Variants in HECW2 observed in about 807,000 individuals in gnomAD.
HECW2 encodes the protein E3 ubiquitin-protein ligase HECW2.
In HECW2, 61 loss-of-function variants were observed where a neutral mutation model predicts 175.2. The observed-to-expected ratio is 0.35, with a 90% CI of 0.28 to 0.43. HECW2 has a LOEUF of 0.43. Ranked by LOEUF, HECW2 falls within the 20% of genes least tolerant of loss-of-function variation. The pLI, the probability that HECW2 is intolerant of heterozygous loss-of-function variation, is 1.00. For synonymous variants in HECW2, 671 were observed against 731.0 expected (o/e 0.92, Z 1.32); for missense variants, 1,524 against 2,000.5 (o/e 0.76, Z 4.54).
intron 2 of HECW2, among the ~76,000 whole-genome samples, chr2:196,353,100 G>A (rs959237618): frequency 1.3e-4 from 20 of 151,520 alleles, no homozygotes; most frequent in Non-Finnish European, 2.2e-4. Flanking sequence ...TACTTTCCCC[G>A]CCTCGCTCCT....
At chr2:196,419,667 G>A (rs1695355411) in intron 2 of HECW2, among the ~76,000 whole-genome samples, 1 of 152,174 alleles carries the variant, frequency 6.6e-6, no homozygotes, top group South Asian at 2.1e-4. Flanking sequence ...CCTAGTGGCA[G>A]CCACACAGTA....
intron 1 of HECW2, among the ~76,000 whole-genome samples, chr2:196,530,461 C>A (rs1688803764): frequency 6.6e-6 from 1 of 152,208 alleles, no homozygotes; most frequent in Non-Finnish European, 1.5e-5. Flanking sequence ...TGGATTACAG[C>A]AATAGCCTAA....
At chr2:196,305,970 T>C (rs1691242620) in intron 13 of HECW2, among the ~76,000 whole-genome samples, 2 of 152,184 alleles carry the variant, frequency 1.3e-5, no homozygotes, top group African/African-American at 2.4e-5. Context: ...TAAATCCTCC[T>C]GTTATGGGTC....
At chr2:196,281,213 T>G (rs1690170336) in intron 14 of HECW2, among the ~76,000 whole-genome samples, 1 of 150,018 alleles carries the variant, frequency 6.7e-6, no homozygotes, top group Non-Finnish European at 1.5e-5. Flanking sequence ...TTAGTCACTC[T>G]GTTATCCCCA....
At chr2:196,355,102 T>C (rs759984336) in intron 2 of HECW2, among the ~76,000 whole-genome samples, 121 of 152,370 alleles carry the variant, frequency 7.9e-4, no homozygotes, top group Non-Finnish European at 1.1e-3. Flanking sequence ...ATGGTGGATA[T>C]TGTAAAACTT....
chr2:196,541,785 G>A (rs948991276), intron 1 of HECW2, among the ~76,000 whole-genome samples: 4 of 151,548 alleles, frequency 2.6e-5, no homozygotes, highest in African/African-American at 9.7e-5. Context: ...AACCAGAAAG[G>A]ACTCTATCTC....
intron 23 of HECW2, among the ~76,000 whole-genome samples, chr2:196,223,428 C>T (rs75602034): frequency 0.018 from 2,778 of 150,896 alleles, 83 homozygotes; most frequent in African/African-American, 0.064. Context: ...AAGCAAGAGA[C>T]GTAAAAAGGA....
chr2:196,306,278 C>T (rs1252664608), intron 13 of HECW2, among the ~76,000 whole-genome samples: 1 of 152,206 alleles, frequency 6.6e-6, no homozygotes, highest in East Asian at 1.9e-4. Context: ...GGCCACCCAG[C>T]TTACAGTGCT....
Position 196,433,125 on chromosome 2 carries a change from G to T in HECW2, c.292+7C>A. 2 of 1,596,204 alleles carry T rather than the reference G, an allele frequency of 1.3e-6. No homozygotes were observed. The highest frequency in any genetic ancestry group is 2.2e-5 in the South Asian group (2 of 89,278). Reference sequence around the variant, plus strand: ...AGTCACATGCAAGTCCATTCCACTTGACTCACCTATATGATAAAGTCCAAT... The same window carrying T: ...AGTCACATGCAAGTCCATTCCACTTTACTCACCTATATGATAAAGTCCAAT... On this transcript the variant is annotated splice_region_variant and intron_variant, in intron 2 of 28. Transcript: ENST00000644978.
intron 13 of HECW2, among the ~76,000 whole-genome samples, chr2:196,293,804 C>G (rs1045528123): frequency 2.0e-5 from 3 of 152,160 alleles, no homozygotes; most frequent in Admixed American, 6.5e-5. Flanking sequence ...TGCCAGATGA[C>G]ACAACTAGTA....
intron 21 of HECW2, among the ~76,000 whole-genome samples, chr2:196,235,317 G>A (rs924357058): frequency 6.6e-6 from 1 of 151,786 alleles, no homozygotes; most frequent in Non-Finnish European, 1.5e-5. Context: ...AGCCAGGATG[G>A]TCTCAATCTC....
chr2:196,373,342 T>C (rs558503327), intron 2 of HECW2, among the ~76,000 whole-genome samples: 3 of 152,338 alleles, frequency 2.0e-5, no homozygotes, highest in Admixed American at 1.3e-4. Context: ...GAATTATAAT[T>C]ATGTTAATTT....
In HECW2 at chr2:196,241,613, A is replaced by G. The variant is rs377688996; in HGVS notation, c.3650+471T>C. ...GATGATGTTTCAGTTTCCCCATTTGAAAGGAGGAGATGGATGAAGAAAGGC... is the reference window on the plus strand; with the variant it reads ...GATGATGTTTCAGTTTCCCCATTTGGAAGGAGGAGATGGATGAAGAAAGGC... On this transcript the variant is annotated intron_variant, in intron 20 of 28. Transcript: ENST00000644978. Among the ~76,000 whole-genome samples the G allele has an allele frequency of 2.3e-4, 35 of 152,264 alleles. No individual in the cohort carries two copies. The East Asian group carries it at 4.6e-3, about 20-fold the overall frequency.
At chr2:196,544,936 A>T (rs2125473185) in intron 1 of HECW2, among the ~76,000 whole-genome samples, 2 of 152,194 alleles carry the variant, frequency 1.3e-5, no homozygotes, top group South Asian at 4.2e-4. Flanking sequence ...AAGCTTAGAA[A>T]CCCCATGAGT....
At chr2:196,275,167 GC>G (rs1369810984) in intron 15 of HECW2, among the ~76,000 whole-genome samples, 1 of 152,068 alleles carries the variant, frequency 6.6e-6, no homozygotes, top group Non-Finnish European at 1.5e-5. Context: ...AGTTCAAACA[GC>G]CCCTCCTCGA....
chr2:196,334,291 A>G (rs1692470076), intron 4 of HECW2, 133 bp downstream of exon 4: 3 of 638,588 alleles, frequency 4.7e-6, no homozygotes, highest in Non-Finnish European at 8.3e-6. Context: ...TTCCTTTCCT[A>G]TAACAGTGCC....
At chr2:196,325,187 G>A (rs1412519506) in intron 5 of HECW2, 38 bp from the exon 6 acceptor site, 2 of 1,473,716 alleles carry the variant, frequency 1.4e-6, no homozygotes, top group Non-Finnish European at 1.8e-6. Context: ...GGGACAAAGA[G>A]AAAGCAGGAG....
At chr2:196,575,448 G>C (rs1219833934) in intron 1 of HECW2, among the ~76,000 whole-genome samples, 1 of 152,052 alleles carries the variant, frequency 6.6e-6, no homozygotes. Context: ...ATCTCAAAAA[G>C]ACATCCGCAC....
intron 10 of HECW2, among the ~76,000 whole-genome samples, chr2:196,315,307 A>T (rs1016174681): frequency 6.6e-5 from 10 of 152,222 alleles, no homozygotes; most frequent in African/African-American, 2.4e-4. Flanking sequence ...ATTAGCACAG[A>T]TAAGTGTTTC....
Sources: gnomAD v4.1 joint callset for allele counts (sites outside exome capture counted in the v4.1 genomes callset) on GRCh38, gnomAD v4.1.1 for gene constraint, MANE v1.5 for transcripts, NCBI Gene and HGNC (gene_info 2026-07-23, HGNC 2026-07-21) for gene names.